The following NFIA variants were observed in gnomAD, a reference collection of about 807,000 sequenced individuals.
NFIA encodes nuclear factor 1 A-type.
NFIA carries 8 observed loss-of-function variants against 62.8 expected under a neutral mutation model. The ratio of observed to expected loss-of-function variants is 0.13; its 90% CI spans 0.07 to 0.23. The LOEUF is 0.23. NFIA is among the 10% of genes least tolerant of loss of function. The probability of loss-of-function intolerance (pLI) is 1.00; values close to 1 mark genes in which losing one functional copy is unlikely to be tolerated. For missense variants in NFIA, 410 were observed against 642.1 expected, an observed-to-expected ratio of 0.64 and a Z score of 3.91; for synonymous variants, 235 against 238.1, an observed-to-expected ratio of 0.99 and a Z score of 0.12.
intron 6 of NFIA, among the ~76,000 whole-genome samples, chr1:61,366,880 G>A (rs1317785666): frequency 2.6e-5 from 4 of 152,152 alleles, no homozygotes; most frequent in African/African-American, 4.8e-5. Flanking sequence ...TCAAGATTGT[G>A]CCATTGCACT....
At chr1:61,358,379 C>CTTTTTTTTTTTTTTTTT (rs34853369) in intron 5 of NFIA, among the ~76,000 whole-genome samples, 7 of 52,616 alleles carry the variant, frequency 1.3e-4, no homozygotes, top group Admixed American at 3.0e-4. Context: ...TTCTTTCTTT[C>CTTTTTTTTTTTTTTTTT]TTTTTTTTTT....
At chr1:61,361,445 T>C (rs959243910) in intron 6 of NFIA, among the ~76,000 whole-genome samples, 4 of 152,228 alleles carry the variant, frequency 2.6e-5, no homozygotes, top group African/African-American at 9.6e-5. Context: ...AAATCAGAAT[T>C]AAACATATAG....
At chr1:61,337,178 G>A (rs954767014) in intron 4 of NFIA, among the ~76,000 whole-genome samples, 2 of 152,130 alleles carry the variant, frequency 1.3e-5, no homozygotes, top group African/African-American at 4.8e-5. Flanking sequence ...AGAGGTGAGG[G>A]ATGAGGCAAC....
At chr1:61,369,474 G>A (rs1254643527) in intron 6 of NFIA, among the ~76,000 whole-genome samples, 2 of 152,078 alleles carry the variant, frequency 1.3e-5, no homozygotes, top group East Asian at 3.9e-4. Flanking sequence ...TTACCTAAGA[G>A]TATACCATGT....
At chr1:61,100,322 G>A (rs564333904) in intron 2 of NFIA, among the ~76,000 whole-genome samples, 2 of 152,184 alleles carry the variant, frequency 1.3e-5, no homozygotes, top group East Asian at 1.9e-4. Context: ...GGGTGGTGGT[G>A]GCATAGAAGA....
intron 3 of NFIA, among the ~76,000 whole-genome samples, chr1:61,292,717 C>T (rs1658968139): frequency 1.3e-5 from 2 of 152,164 alleles, no homozygotes; most frequent in Admixed American, 1.3e-4. Context: ...GACCTAAATG[C>T]TGAAGTGTAT....
intron 2 of NFIA, among the ~76,000 whole-genome samples, chr1:61,260,950 T>C (rs1022436681): frequency 6.6e-6 from 1 of 152,376 alleles, no homozygotes; most frequent in East Asian, 1.9e-4. Context: ...AGTATATCTA[T>C]GACACAATTT....
intron 2 of NFIA, among the ~76,000 whole-genome samples, chr1:61,141,875 C>A (rs762811202): frequency 2.6e-5 from 4 of 152,204 alleles, no homozygotes; most frequent in African/African-American, 7.2e-5. Context: ...TTTCTGCTGA[C>A]ATAATAGGTA....
intron 2 of NFIA, among the ~76,000 whole-genome samples, chr1:61,255,571 G>T (rs907499003): frequency 6.6e-6 from 1 of 152,112 alleles, no homozygotes; most frequent in African/African-American, 2.4e-5. Context: ...TATTGTGATG[G>T]GTAAACTGTT....
chr1:61,292,715 T>C (rs1433232629), intron 3 of NFIA, among the ~76,000 whole-genome samples: 2 of 152,230 alleles, frequency 1.3e-5, no homozygotes, highest in Non-Finnish European at 2.9e-5. Flanking sequence ...TTGACCTAAA[T>C]GCTGAAGTGT....
At chr1:61,418,216 C>A (rs1174908287) in intron 9 of NFIA, among the ~76,000 whole-genome samples, 1 of 152,144 alleles carries the variant, frequency 6.6e-6, no homozygotes. Flanking sequence ...GTAATCCCAG[C>A]ACATTGGGAG....
intron 1 of NFIA, among the ~76,000 whole-genome samples, chr1:61,087,293 T>C (rs1461881434): frequency 6.6e-6 from 1 of 152,120 alleles, no homozygotes; most frequent in Admixed American, 6.5e-5. Flanking sequence ...AATTAAATAA[T>C]CTATTTTTTA....
At chr1:61,111,110 G>C (rs1166600341) in intron 2 of NFIA, among the ~76,000 whole-genome samples, 1 of 152,092 alleles carries the variant, frequency 6.6e-6, no homozygotes, top group African/African-American at 2.4e-5. Context: ...CTTCACAAAA[G>C]CTATGAAATA....
rs568604448 is a variant in NFIA at position 61,263,447 on chromosome 1, C to T, written c.560-14073C>T. ...GGCATGACGGGCAGGTAGAACTGCT[C>T]GCTTGTGTTTTACACACAGGCGCCC... On this transcript the variant is annotated intron_variant, in intron 2 of 10. Coordinates refer to ENST00000403491, the MANE Select transcript of NFIA (RefSeq NM_001134673.4). Among the ~76,000 whole-genome samples the T allele has an allele frequency of 7.9e-5, 12 of 152,240 alleles. No individual in the cohort carries two copies. The South Asian group carries it at 1.5e-3, about 18-fold the overall frequency.
At chr1:61,083,757 CCCG>C (rs532470012) in intron 1 of NFIA, among the ~76,000 whole-genome samples, 1 of 150,948 alleles carries the variant, frequency 6.6e-6, no homozygotes, top group African/African-American at 2.4e-5. Context: ...CACGGCTCCC[CCCG>C]CCGCCGCCGC....
At chr1:61,433,687 T>C (rs1667205047) in intron 10 of NFIA, among the ~76,000 whole-genome samples, 1 of 152,184 alleles carries the variant, frequency 6.6e-6, no homozygotes, top group Non-Finnish European at 1.5e-5. Flanking sequence ...TTTTCTGGAT[T>C]ACAAAGTATT....
At chr1:61,173,448 C>T (rs1043700437) in intron 2 of NFIA, among the ~76,000 whole-genome samples, 1 of 152,056 alleles carries the variant, frequency 6.6e-6, no homozygotes, top group Non-Finnish European at 1.5e-5. Flanking sequence ...AGTGCAGTGG[C>T]GTGATCTCGG....
chr1:61,223,624 C>T lies in NFIA; in HGVS notation c.560-53896C>T, dbSNP rs74090328. ...CACTTGTTGACTTTCTCTGAGATTC[C>T]ACGATTCCAGAATTGTTTTTTTGTA... On this transcript the variant is annotated intron_variant, in intron 2 of 10. Coordinates refer to ENST00000403491, the MANE Select transcript of NFIA (RefSeq NM_001134673.4). 6.7e-3 allele frequency among the ~76,000 whole-genome samples: 1,019 copies of T among 152,028 alleles called. 7 individuals are homozygous for T. The highest frequency in any genetic ancestry group is 0.023 in the African/African-American group (938 of 41,520).
Position 61,385,202 on chromosome 1 carries a change from A to G in NFIA, c.1075+1837A>G, listed in dbSNP as rs188567458. ...CAGTGAGCCAAGATGGTGCCACTGC[A>G]CTCCAGCCTGGGCAACAGAGCAAGA... is the stretch of plus-strand genomic sequence containing the variant. On this transcript the variant is annotated intron_variant, in intron 7 of 10. Coordinates refer to ENST00000403491, the MANE Select transcript of NFIA (RefSeq NM_001134673.4). Among the ~76,000 whole-genome samples, 40 of 152,098 alleles carry G rather than the reference A, an allele frequency of 2.6e-4. 1 individual carries two copies. The highest frequency in any genetic ancestry group is 8.9e-4 in the African/African-American group (37 of 41,474).
Sources: gnomAD v4.1 joint callset for allele counts (sites outside exome capture counted in the v4.1 genomes callset) on GRCh38, gnomAD v4.1.1 for gene constraint, MANE v1.5 for transcripts, NCBI Gene and HGNC (gene_info 2026-07-23, HGNC 2026-07-21) for gene names.